BLZF1: variants seen among roughly 807,000 people sequenced by gnomAD.
BLZF1 encodes golgin-45.
In BLZF1, 39 loss-of-function variants were observed where a neutral mutation model predicts 43.8. That is an observed-to-expected ratio of 0.89 (90% CI 0.69 to 1.16). The LOEUF (loss-of-function observed/expected upper bound fraction) is 1.16, where lower values mean the gene tolerates loss of function less well. BLZF1 is among the 50% of genes most tolerant of loss of function. The pLI is 0.00. For synonymous variants in BLZF1, 136 were observed against 159.4 expected, an observed-to-expected ratio of 0.85 and a Z score of 1.11; for missense variants, 449 against 469.8, an observed-to-expected ratio of 0.96 and a Z score of 0.41.
At chr1:169,377,393 T>C (rs1654393244) in intron 3 of BLZF1, 1 of 165,210 alleles carries the variant, frequency 6.1e-6, no homozygotes, top group Admixed American at 6.3e-5. Flanking sequence ...ACTTACTGTG[T>C]CTTCATTGTA....
At chr1:169,386,917 A>T in intron 6 of BLZF1, 80 bp from the exon 7 acceptor site, 1 of 952,542 alleles carries the variant, frequency 1.0e-6, no homozygotes, top group Non-Finnish European at 1.6e-6. Flanking sequence ...GAAACTTTAT[A>T]GGTAGGTATA....
In BLZF1 at chr1:169,387,060, T is replaced by C; in HGVS notation, c.1081T>C (p.Ser361Pro). 1 of 1,613,438 alleles carries C rather than the reference T, an allele frequency of 6.2e-7. No homozygotes were observed. The highest frequency in any genetic ancestry group is 8.5e-7 in the Non-Finnish European group (1 of 1,179,674). ...TTCACCTGATAATCCATTTTTTGAG[T>C]CTTCACCAACCACCTTACTTGCTAC... The part of the protein sequence containing the change: ...ESSPDNPFFE[S>P]SPTTLLATKK... Residue 361 changes from serine to proline, a missense_variant, in exon 7 of 7, where the codon TCT (serine) becomes CCT (proline). Coordinates refer to ENST00000367808, the MANE Select transcript of BLZF1 (RefSeq NM_001320973.2).
rs1654438998 is a variant in BLZF1 at position 169,378,651 on chromosome 1, A to G, written c.668+122A>G. ...CTGACTAAGGTCATCAGAGTACTTC[A>G]TTTAAGATGTGGACTCTCTCTCCTC... On this transcript the variant is annotated intron_variant, in intron 4 of 6. Transcript: ENST00000367808. The G allele has an allele frequency of 7.2e-6, 6 of 838,552 alleles. No homozygotes were observed. In the South Asian group the frequency reaches 1.0e-4, roughly 15 times the overall value. The allele number at this position is 838,552 out of a possible 1,614,324, so 51.9% of individuals were successfully genotyped here.
chr1:169,380,705 G>A, intron 5 of BLZF1, 96 bp downstream of exon 5: 1 of 1,434,832 alleles, frequency 7.0e-7, no homozygotes, highest in African/African-American at 1.4e-5. Context: ...TTTGTTTTGG[G>A]TGTGTCTACA....
intron 2 of BLZF1, among the ~76,000 whole-genome samples, chr1:169,372,202 G>A (rs569783022): frequency 6.7e-6 from 1 of 149,404 alleles, no homozygotes. Context: ...GGTGATATGG[G>A]TGACATTTAA....
intron 3 of BLZF1, 41 bp from the exon 4 acceptor site, chr1:169,378,289 T>C (rs1243062998): frequency 1.3e-6 from 2 of 1,561,318 alleles, no homozygotes; most frequent in African/African-American, 2.7e-5. Flanking sequence ...AAGTTAGTGA[T>C]ATTACTTTGA....
intron 3 of BLZF1, chr1:169,377,251 A>C (rs1654388609): frequency 9.5e-6 from 4 of 420,092 alleles, no homozygotes; most frequent in African/African-American, 2.1e-5. Flanking sequence ...TTACAATTAT[A>C]AACTGCCAGA....
chr1:169,385,962 C>A (rs1261598796), intron 6 of BLZF1, among the ~76,000 whole-genome samples: 1 of 152,190 alleles, frequency 6.6e-6, no homozygotes, highest in Non-Finnish European at 1.5e-5. Context: ...AATTGCAGTG[C>A]TTGCTACCTT....
downstream of BLZF1, among the ~76,000 whole-genome samples, chr1:169,392,734 GA>G (rs1298646425): frequency 6.6e-6 from 1 of 152,146 alleles, no homozygotes; most frequent in African/African-American, 2.4e-5. Context: ...AGGGGAGGGG[GA>G]AGTCCTGAAG....
chr1:169,396,065 G>GA (rs1372493908), exon 8 of BLZF1: 1 of 152,148 alleles, frequency 6.6e-6, no homozygotes, highest in Non-Finnish European at 1.5e-5. Context: ...TATCATTAAT[G>GA]AAAAGCAGAT....
intron 5 of BLZF1, among the ~76,000 whole-genome samples, chr1:169,381,859 A>T (rs1379515641): frequency 1.3e-5 from 2 of 152,194 alleles, no homozygotes; most frequent in African/African-American, 2.4e-5. Flanking sequence ...TGATTTTCAT[A>T]CAACAACCTA....
intron 7 of BLZF1, chr1:169,394,823 C>T: frequency 2.9e-6 from 1 of 347,266 alleles, no homozygotes. Flanking sequence ...ACATAGAATT[C>T]ATTCGTTGTT....
At chr1:169,386,857 A>G in intron 6 of BLZF1, 140 bp from the exon 7 acceptor site, 2 of 569,780 alleles carry the variant, frequency 3.5e-6, no homozygotes, top group Non-Finnish European at 5.9e-6. Context: ...TGTCTTTTCA[A>G]TCAGATTAGT....
Position 169,387,278 on chromosome 1 carries a change from T to A in BLZF1, c.*96T>A, listed in dbSNP as rs1654704982. On this transcript the variant is annotated 3_prime_UTR_variant, in exon 7 of 7. Transcript: ENST00000367808. ...GGTTCTTACAATGCTAGAAATAATA[T>A]CACTTCCTATTTACATAATGTATAC... The A allele has an allele frequency of 1.3e-5, 14 of 1,092,368 alleles. No homozygotes were observed. In the South Asian group the frequency reaches 2.1e-4, roughly 16 times the overall value. The allele number at this position is 1,092,368 out of a possible 1,614,324, so 67.7% of individuals were successfully genotyped here.
At chr1:169,386,634 G>A (rs1296070385) in intron 6 of BLZF1, among the ~76,000 whole-genome samples, 28 of 146,984 alleles carry the variant, frequency 1.9e-4, no homozygotes, top group Admixed American at 4.8e-4. Context: ...AGCCGAGATC[G>A]CGCCACTGCA....
intron 6 of BLZF1, among the ~76,000 whole-genome samples, chr1:169,384,054 T>C (rs1654601388): frequency 1.3e-5 from 2 of 152,092 alleles, no homozygotes; most frequent in South Asian, 4.1e-4. Flanking sequence ...GCTAAAAATA[T>C]AATCTCTTTT....
At chr1:169,392,866 G>T (rs1403243036), downstream of BLZF1, among the ~76,000 whole-genome samples, 1 of 152,284 alleles carries the variant, frequency 6.6e-6, no homozygotes. Context: ...CAGGTACCGA[G>T]AGCATGGAAG....
At chr1:169,394,090 T>C (rs1236193918) in intron 7 of BLZF1, among the ~76,000 whole-genome samples, 1 of 152,184 alleles carries the variant, frequency 6.6e-6, no homozygotes, top group Non-Finnish European at 1.5e-5. Context: ...GTAATCTTTA[T>C]AATATAACTG....
chr1:169,394,553 T>C (rs1482126206), intron 7 of BLZF1, among the ~76,000 whole-genome samples: 1 of 152,096 alleles, frequency 6.6e-6, no homozygotes, highest in African/African-American at 2.4e-5. Flanking sequence ...AGCTCTCACA[T>C]ATAGGGTGTA....
Sources: gnomAD v4.1 joint callset for allele counts (sites outside exome capture counted in the v4.1 genomes callset) on GRCh38, gnomAD v4.1.1 for gene constraint, MANE v1.5 for transcripts, NCBI Gene and HGNC (gene_info 2026-07-23, HGNC 2026-07-21) for gene names.